CACNA1C: variants seen among roughly 807,000 people sequenced by gnomAD.
The protein encoded by CACNA1C is voltage-dependent L-type calcium channel subunit alpha-1C.
Under a neutral mutation model 229.0 loss-of-function variants are expected in CACNA1C, and 30 were observed. The ratio of observed to expected loss-of-function variants is 0.13; its 90% confidence interval spans 0.10 to 0.18. The LOEUF (loss-of-function observed/expected upper bound fraction) is 0.18. Among genes scored for constraint, CACNA1C ranks in the 10% least tolerant of loss-of-function variants. CACNA1C has a pLI of 1.00. For synonymous variants in CACNA1C, 1,114 were observed against 1,132.5 expected (o/e 0.98, Z 0.33); for missense variants, 1,658 against 2,845.0 (o/e 0.58, Z 9.49).
chr12:2,038,090 C>G (rs1031933724), intron 1 of CACNA1C, among the ~76,000 whole-genome samples: 2 of 152,114 alleles, frequency 1.3e-5, no homozygotes, highest in African/African-American at 4.8e-5. Context: ...CAGACAAAAC[C>G]CTACTGACGA....
intron 3 of CACNA1C, among the ~76,000 whole-genome samples, chr12:2,193,394 G>T (rs2097301380): frequency 6.6e-6 from 1 of 152,188 alleles, no homozygotes; most frequent in South Asian, 2.1e-4. Flanking sequence ...GGCAGAGGTG[G>T]CAGTGAGCTG....
At chr12:2,640,357 T>C (rs2093515702) in intron 30 of CACNA1C, among the ~76,000 whole-genome samples, 1 of 152,176 alleles carries the variant, frequency 6.6e-6, no homozygotes, top group Admixed American at 6.5e-5. Flanking sequence ...CCTCATTCAG[T>C]GCCTCCTGGC....
At chr12:2,396,377 G>C (rs553771200) in intron 3 of CACNA1C, among the ~76,000 whole-genome samples, 1 of 152,156 alleles carries the variant, frequency 6.6e-6, no homozygotes, top group Non-Finnish European at 1.5e-5. Flanking sequence ...TCCGAGTCAA[G>C]GGGACGAAGA....
Position 2,412,203 on chromosome 12 carries a change from G to A in CACNA1C, c.478-36773G>A, listed in dbSNP as rs1238227660. On this transcript the variant is annotated intron_variant, in intron 3 of 46. Transcript: ENST00000399655. ...CACAGCCCCAGCCCCACTGCAGGAC[G>A]CCCAGGATACCACAAAGGCCCCCCA... 3.9e-5 allele frequency among the ~76,000 whole-genome samples: 6 copies of A among 152,126 alleles called. 1 individual carries two copies. The highest frequency in any genetic ancestry group is 3.9e-4 in the East Asian group (2 of 5,188).
chr12:2,130,430 T>C (rs1200981486), intron 3 of CACNA1C, among the ~76,000 whole-genome samples: 1 of 132,442 alleles, frequency 7.6e-6, no homozygotes, highest in Non-Finnish European at 1.6e-5. Flanking sequence ...ATTAGGTATA[T>C]CTCCCAATGC....
intron 31 of CACNA1C, 61 bp downstream of exon 31, chr12:2,648,568 C>T (rs958238259): frequency 7.4e-6 from 11 of 1,493,766 alleles, no homozygotes; most frequent in Non-Finnish European, 9.3e-6. Context: ...CACCCCCACT[C>T]TCCCCACCCC....
At chr12:2,038,193 T>G (rs900787436) in intron 1 of CACNA1C, among the ~76,000 whole-genome samples, 2 of 152,138 alleles carry the variant, frequency 1.3e-5, no homozygotes, top group Non-Finnish European at 1.5e-5. Context: ...TGACTTAGGA[T>G]TTGCAGGGTT....
intron 8 of CACNA1C, among the ~76,000 whole-genome samples, chr12:2,505,967 T>C (rs1020372113): frequency 6.6e-6 from 1 of 152,094 alleles, no homozygotes. Context: ...AGACAAAGAT[T>C]GCTCTCCACT....
At chr12:2,052,886 C>CGGCGCGCCG (rs1371802148), upstream of CACNA1C, 4 of 662,804 alleles carry the variant, frequency 6.0e-6, no homozygotes, top group Non-Finnish European at 7.4e-6. Flanking sequence ...CGTCTGCCTC[C>CGGCGCGCCG]GGCGCGCCGG....
At chr12:2,619,244 A>G (rs2082126266) in intron 29 of CACNA1C, among the ~76,000 whole-genome samples, 1 of 152,204 alleles carries the variant, frequency 6.6e-6, no homozygotes, top group East Asian at 1.9e-4. Context: ...CTGCCTTAGC[A>G]TACTGTGGTG....
chr12:2,253,621 C>A (rs1217318538), intron 3 of CACNA1C, among the ~76,000 whole-genome samples: 2 of 152,198 alleles, frequency 1.3e-5, no homozygotes, highest in South Asian at 4.1e-4. Context: ...TTCTTCATCC[C>A]TGAAATAATG....
chr12:2,158,951 A>T (rs915051711), intron 3 of CACNA1C, among the ~76,000 whole-genome samples: 5 of 152,144 alleles, frequency 3.3e-5, no homozygotes, highest in Admixed American at 6.6e-5. Context: ...TCATGACAAA[A>T]CTATTGCAGA....
At chr12:2,230,394 C>T (rs1047071955) in intron 3 of CACNA1C, among the ~76,000 whole-genome samples, 13 of 152,150 alleles carry the variant, frequency 8.5e-5, no homozygotes, top group African/African-American at 2.4e-4. Flanking sequence ...GAAGGGGAGG[C>T]GGGGCCGAGC....
chr12:2,109,012 G>A (rs2080439799), intron 1 of CACNA1C, among the ~76,000 whole-genome samples: 1 of 152,222 alleles, frequency 6.6e-6, no homozygotes, highest in African/African-American at 2.4e-5. Flanking sequence ...TTGCTCAGTG[G>A]TCAGGACTTT....
At chr12:2,157,516 C>T (rs2095613901) in intron 3 of CACNA1C, among the ~76,000 whole-genome samples, 1 of 152,246 alleles carries the variant, frequency 6.6e-6, no homozygotes. Flanking sequence ...GTCCCATAAG[C>T]CTGTACTCTC....
At chr12:2,258,712 G>A (rs750062542) in intron 3 of CACNA1C, among the ~76,000 whole-genome samples, 19 of 152,102 alleles carry the variant, frequency 1.2e-4, no homozygotes, top group Admixed American at 7.2e-4. Context: ...CTTCCCTCTC[G>A]ATTTCAGATA....
intron 34 of CACNA1C, among the ~76,000 whole-genome samples, chr12:2,663,087 C>T (rs1194773620): frequency 2.0e-5 from 3 of 152,012 alleles, no homozygotes; most frequent in African/African-American, 4.8e-5. Flanking sequence ...ATTTTTTAAA[C>T]GTGATGCAAA....
chr12:2,486,064 G>A lies in CACNA1C; in HGVS notation c.758-40G>A, dbSNP rs375103094. ...CATGAGATGGCGTCAGCACGGTACC[G>A]CGGTGATGCTTGGTTCAGTGAGTGG... On this transcript the variant is annotated intron_variant, in intron 5 of 46. Transcript: ENST00000399655. The surrounding 1 kb of genome is among the most constrained non-coding windows in gnomAD (Gnocchi z 4.9). 2.3e-5 allele frequency: 35 copies of A among 1,543,442 alleles called. No homozygotes were observed. The highest frequency in any genetic ancestry group is 2.9e-5 in the Non-Finnish European group (33 of 1,138,298).
chr12:2,607,440 T>G (rs1327682650), intron 26 of CACNA1C: 2 of 263,432 alleles, frequency 7.6e-6, no homozygotes, highest in Non-Finnish European at 7.2e-6. Flanking sequence ...ATCTGGGAGT[T>G]GGGTGTGGGG....
Sources: gnomAD v4.1 joint callset for allele counts (sites outside exome capture counted in the v4.1 genomes callset) on GRCh38, gnomAD v4.1.1 for gene constraint, Gnocchi (gnomAD v3.1) non-coding constraint, MANE v1.5 for transcripts, NCBI Gene and HGNC (gene_info 2026-07-23, HGNC 2026-07-21) for gene names.